PTGDS: variants seen among roughly 807,000 people sequenced by gnomAD.
PTGDS encodes the protein prostaglandin-H2 D-isomerase.
A neutral mutation model predicts 28.4 loss-of-function variants in PTGDS; 21 were observed. The observed-to-expected ratio is 0.74, with a 90% confidence interval of 0.52 to 1.07. The LOEUF is 1.07. PTGDS is among the 50% of genes least tolerant of loss of function. The pLI is 0.00. For synonymous variants in PTGDS, 102 were observed against 106.0 expected, an observed-to-expected ratio of 0.96 and a Z score of 0.23; for missense variants, 243 against 247.7, an observed-to-expected ratio of 0.98 and a Z score of 0.13.
chr9:136,980,324 G>A, intron 5 of PTGDS, 40 bp downstream of exon 5: 3 of 1,601,462 alleles, frequency 1.9e-6, no homozygotes, highest in Non-Finnish European at 2.6e-6. Flanking sequence ...ATCAAGGTCA[G>A]ATTAGAGGCA....
chr9:136,980,446 G>A (rs1383271631), intron 5 of PTGDS, among the ~76,000 whole-genome samples, 162 bp downstream of exon 5: 3 of 152,176 alleles, frequency 2.0e-5, no homozygotes, highest in Non-Finnish European at 4.4e-5. Flanking sequence ...CCTCCCTCCC[G>A]CAGCCCCTTC....
rs113054896 is a variant in PTGDS, at chr9:136,977,726, A to G, written c.114+34A>G. The G allele has an allele frequency of 4.0e-5, 60 of 1,517,320 alleles. No homozygotes were observed. The African/African-American group carries it at 4.7e-4, about 12-fold the overall frequency. 94.0% of individuals were successfully genotyped at this position (1,517,320 alleles called of 1,614,324 possible). Reference sequence around the variant, plus strand: ...CTTTCCTGCGTCATCCCCAAGGGCTACAGGACCCTGTCAGGGGAAGGGCAC... The same window carrying G: ...CTTTCCTGCGTCATCCCCAAGGGCTGCAGGACCCTGTCAGGGGAAGGGCAC... On this transcript the variant is annotated intron_variant, in intron 1 of 6. Transcript: ENST00000371625.
Position 136,977,537 on chromosome 9 carries a change from C to T in PTGDS, c.-42C>T. 1 of 1,457,220 alleles carries T rather than the reference C, an allele frequency of 6.9e-7. No individual in the cohort carries two copies. Among genetic ancestry groups the T allele is most frequent in the South Asian group, 1.2e-5 (1 of 82,048 alleles). The allele number at this position is 1,457,220 out of a possible 1,614,324, so 90.3% of individuals were successfully genotyped here. A position where few individuals can be genotyped will look rare whatever the true frequency, so the allele number is the denominator to read the frequency against. On this transcript the variant is annotated 5_prime_UTR_variant, in exon 1 of 7. Transcript: ENST00000371625. Reference sequence around the variant, plus strand: ...TGCACACCTCCCTCGCTCTCCCACACCACTGGCACCAGGCCCCGGACACCC... The same window carrying T: ...TGCACACCTCCCTCGCTCTCCCACATCACTGGCACCAGGCCCCGGACACCC...
chr9:136,980,754 G>A (rs374552636), intron 5 of PTGDS, 79 bp from the exon 6 acceptor site: 16 of 1,613,830 alleles, frequency 9.9e-6, no homozygotes, highest in African/African-American at 6.7e-5. Flanking sequence ...TCTGCGTTAC[G>A]GGAGGAACAG....
intron 1 of PTGDS, 78 bp downstream of exon 1, chr9:136,977,770 C>G: frequency 1.5e-6 from 2 of 1,310,660 alleles, no homozygotes; most frequent in Non-Finnish European, 2.1e-6. Context: ...TGGGTCTTCC[C>G]CCTGGGAGGA....
At chr9:136,979,597 G>C in intron 3 of PTGDS, 3 of 780,278 alleles carry the variant, frequency 3.8e-6, no homozygotes, top group Non-Finnish European at 6.0e-6. Flanking sequence ...CCCTCCATAT[G>C]CCTCCTCCCA....
chr9:136,978,650 T>C lies in PTGDS; in HGVS notation c.115-343T>C, dbSNP rs1161477351. On this transcript the variant is annotated intron_variant, in intron 1 of 6. Coordinates refer to ENST00000371625, the MANE Select transcript of PTGDS (RefSeq NM_000954.6). ...GCGGTCAGTTCCCTGGTTGTGGACA[T>C]GAAGGGCGGGGCCAGCTCTTGGGGC... is the stretch of plus-strand genomic sequence containing the variant. Among the ~76,000 whole-genome samples, 25 of 62,662 alleles carry C rather than the reference T, an allele frequency of 4.0e-4. 1 individual carries two copies. In the East Asian group the frequency reaches 0.012, roughly 29 times the overall value. 41.1% of individuals were successfully genotyped at this position (62,662 alleles called of 152,430 possible). A position where few individuals can be genotyped will look rare whatever the true frequency, so the allele number is the denominator to read the frequency against.
At chr9:136,979,738 G>A in intron 3 of PTGDS, 2 of 639,850 alleles carry the variant, frequency 3.1e-6, no homozygotes, top group Non-Finnish European at 5.5e-6. Flanking sequence ...TTCTGAGCCT[G>A]GCTCCCCCAG....
chr9:136,977,823 T>C lies in PTGDS; in HGVS notation c.114+131T>C. On this transcript the variant is annotated intron_variant, in intron 1 of 6. Coordinates refer to ENST00000371625, the MANE Select transcript of PTGDS (RefSeq NM_000954.6). ...GTGCCGGGCAGTGCCGGCCAGGGAC[T>C]GAGCGGGCGCGCAGGAAGGAGGCTG... 4 of 871,904 alleles carry C rather than the reference T, an allele frequency of 4.6e-6. No homozygotes were observed. In the South Asian group the frequency reaches 6.9e-5, roughly 15 times the overall value. The allele number at this position is 871,904 out of a possible 1,614,324, so 54.0% of individuals were successfully genotyped here.
intron 5 of PTGDS, 21 bp from the exon 6 acceptor site, chr9:136,980,812 C>T (rs748503066): frequency 1.3e-5 from 21 of 1,613,834 alleles, no homozygotes; most frequent in Admixed American, 3.3e-5. Context: ...TGACGACAGC[C>T]CCTGGCTTCT....
In PTGDS at chr9:136,979,317, C is replaced by T. The variant is rs1433032161; in HGVS notation, c.331+18C>T. The stretch of plus-strand genomic sequence containing the variant: ...GAGTCCCCGTGAGTGGGGCCTCCAC[C>T]GGCCCCCTGGGCCCAGCCTGGGGGC... On this transcript the variant is annotated intron_variant, in intron 3 of 6. Transcript: ENST00000371625. 12 of 1,603,156 alleles carry T rather than the reference C, an allele frequency of 7.5e-6. No individual in the cohort carries two copies. The highest frequency in any genetic ancestry group is 1.7e-4 in the Middle Eastern group (1 of 6,010).
chr9:136,980,989 G>C, intron 6 of PTGDS, 134 bp downstream of exon 6: 1 of 1,321,638 alleles, frequency 7.6e-7, no homozygotes, highest in Non-Finnish European at 1.0e-6. Context: ...CTTCCCGATG[G>C]CTGCAGTCCA....
In PTGDS at chr9:136,978,989, G is replaced by A; in HGVS notation, c.115-4G>A. The A allele has an allele frequency of 6.2e-7, 1 of 1,605,978 alleles. No homozygotes were observed. The highest frequency in any genetic ancestry group is 8.5e-7 in the Non-Finnish European group (1 of 1,178,270). The stretch of plus-strand genomic sequence containing the variant: ...CCGACGCGGGTGGGGGTCGCTCGCC[G>A]CAGTTCCTGGGGCGCTGGTTCAGCG... On this transcript the variant is annotated splice_region_variant and splice_polypyrimidine_tract_variant and intron_variant, in intron 1 of 6. Coordinates refer to ENST00000371625, the MANE Select transcript of PTGDS (RefSeq NM_000954.6).
At chr9:136,979,491 T>C (rs1165126459) in intron 3 of PTGDS, 192 bp downstream of exon 3, 34 of 1,515,992 alleles carry the variant, frequency 2.2e-5, no homozygotes, top group African/African-American at 5.5e-5. Context: ...AGACCCTTCC[T>C]CCAGGGGGTT....
intron 3 of PTGDS, chr9:136,979,521 C>A: frequency 7.1e-7 from 1 of 1,404,876 alleles, no homozygotes. Flanking sequence ...CTGGAGCCCA[C>A]CATTGTCTTG....
intron 6 of PTGDS, 155 bp downstream of exon 6, chr9:136,981,010 G>A (rs1588488121): frequency 3.6e-6 from 4 of 1,114,752 alleles, no homozygotes; most frequent in Non-Finnish European, 5.0e-6. Flanking sequence ...GGGCCGGGCG[G>A]GAGACACTGG....
intron 2 of PTGDS, 44 bp from the exon 3 acceptor site, chr9:136,979,179 C>T: frequency 6.2e-7 from 1 of 1,613,064 alleles, no homozygotes; most frequent in African/African-American, 1.3e-5. Context: ...GGTCCAGGGA[C>T]ACCCTCGGGC....
At chr9:136,978,923 C>A in intron 1 of PTGDS, 70 bp from the exon 2 acceptor site, 1 of 1,573,056 alleles carries the variant, frequency 6.4e-7, no homozygotes, top group Non-Finnish European at 8.6e-7. Flanking sequence ...ACGGCAGAGG[C>A]GCCCCCGCAG....
chr9:136,980,275 C>A lies in PTGDS; in HGVS notation c.541C>A (p.Pro181Thr). 6.2e-7 allele frequency: 1 copy of A among 1,613,958 alleles called. No homozygotes were observed. Among genetic ancestry groups the A allele is most frequent in the Non-Finnish European group, 8.5e-7 (1 of 1,179,916 alleles). The part of the protein sequence containing the change: ...GFTEDTIVFL[P>T]QTDKCMTEQ ...CACAGAGGATACCATTGTCTTCCTG[C>A]CCCAAACCGGTGAGGGGTCCTAATC... Residue 181 changes from proline to threonine, a missense_variant, in exon 5 of 7, where the codon CCC (proline) becomes ACC (threonine). Physicochemically the swap from Pro to Thr is conservative, Grantham distance 38. Transcript: ENST00000371625.
Sources: allele counts gnomAD v4.1 joint callset (sites outside exome capture counted in the v4.1 genomes callset), GRCh38; gene constraint gnomAD v4.1.1; transcripts MANE v1.5; gene names NCBI Gene and HGNC (gene_info 2026-07-23, HGNC 2026-07-21).